TTC39C: variants seen among roughly 807,000 people sequenced by gnomAD.
TTC39C encodes tetratricopeptide repeat domain 39C, also known as tetratricopeptide repeat protein 39C.
A neutral mutation model predicts 76.3 loss-of-function variants in TTC39C; 33 were observed. That is an observed-to-expected ratio of 0.43 (90% CI 0.33 to 0.58). The LOEUF (loss-of-function observed/expected upper bound fraction) is 0.58. Ranked by LOEUF, TTC39C falls within the 20% of genes least tolerant of loss-of-function variation. TTC39C has a pLI of 0.04. For synonymous variants in TTC39C, 254 were observed against 260.6 expected, an observed-to-expected ratio of 0.97 and a Z score of 0.24; for missense variants, 595 against 701.4, an observed-to-expected ratio of 0.85 and a Z score of 1.71.
At chr18:24,129,715 A>G (rs2085098132) in intron 11 of TTC39C, among the ~76,000 whole-genome samples, 1 of 150,542 alleles carries the variant, frequency 6.6e-6, no homozygotes, top group Non-Finnish European at 1.5e-5. Context: ...CAGAGGTTGC[A>G]GCGAGCTGAG....
chr18:24,022,826 A>G, intron 1 of TTC39C: 1 of 985,400 alleles, frequency 1.0e-6, no homozygotes, highest in Non-Finnish European at 1.2e-6. Context: ...TTGTGCTGGA[A>G]TATTTTACGT....
At chr18:24,106,355 A>T (rs980458808) in intron 6 of TTC39C, among the ~76,000 whole-genome samples, 6 of 150,120 alleles carry the variant, frequency 4.0e-5, no homozygotes, top group Non-Finnish European at 7.4e-5. Context: ...CCAAATTAAA[A>T]TGGGCTGGAA....
At chr18:24,021,344 C>T (rs1320998246) in intron 1 of TTC39C, among the ~76,000 whole-genome samples, 1 of 152,120 alleles carries the variant, frequency 6.6e-6, no homozygotes, top group African/African-American at 2.4e-5. Context: ...CATTCTGTAA[C>T]GTGGGTCCGT....
rs748445185 is a variant in TTC39C at position 24,129,002 on chromosome 18, C to T, written c.1518+19C>T. The T allele has an allele frequency of 1.3e-6, 2 of 1,597,950 alleles. No homozygotes were observed. Among genetic ancestry groups the T allele is most frequent in the Non-Finnish European group, 1.7e-6 (2 of 1,168,642 alleles). ...TGTTCAGGTAAACTGTTAATGTTGT[C>T]AGGGCTAAAGAAAATAAGTCACGAA... On this transcript the variant is annotated intron_variant, in intron 11 of 13. Coordinates refer to ENST00000317571, the MANE Select transcript of TTC39C (RefSeq NM_001135993.2).
chr18:24,062,763 ACTGT>A (rs2084115712), intron 1 of TTC39C, among the ~76,000 whole-genome samples: 1 of 152,066 alleles, frequency 6.6e-6, no homozygotes, highest in Admixed American at 6.5e-5. Context: ...TCTCACACAC[ACTGT>A]CTTTCTCTGA....
intron 6 of TTC39C, among the ~76,000 whole-genome samples, chr18:24,084,552 A>T (rs1374252348): frequency 6.6e-6 from 1 of 152,114 alleles, no homozygotes. Flanking sequence ...AATTATTTAA[A>T]CCTGTGTCCA....
intron 6 of TTC39C, among the ~76,000 whole-genome samples, chr18:24,107,169 C>G (rs894197869): frequency 1.3e-5 from 2 of 152,128 alleles, no homozygotes; most frequent in East Asian, 3.9e-4. Context: ...ATTAAGACCT[C>G]ATGAATATTA....
chr18:24,018,358 T>C (rs2083479145), intron 1 of TTC39C, among the ~76,000 whole-genome samples: 1 of 149,086 alleles, frequency 6.7e-6, no homozygotes, highest in Non-Finnish European at 1.5e-5. Context: ...CCCAGTGCTC[T>C]AGTCTAGCAG....
Position 24,134,717 on chromosome 18 carries a change from A to G in TTC39C, c.*2143A>G, listed in dbSNP as rs931410750. The G allele has an allele frequency of 3.9e-5, 6 of 152,126 alleles. No individual in the cohort carries two copies. The highest frequency in any genetic ancestry group is 1.4e-4 in the African/African-American group (6 of 41,426). 9.4% of individuals were successfully genotyped at this position (152,126 alleles called of 1,614,324 possible). ...ATCATGGAGCATTCTGAATCATGAC[A>G]TTTTTGTTTGAGAGTTCATTCTTGA... is the stretch of plus-strand genomic sequence containing the variant. On this transcript the variant is annotated 3_prime_UTR_variant, in exon 14 of 14. Coordinates refer to ENST00000317571, the MANE Select transcript of TTC39C (RefSeq NM_001135993.2).
At chr18:24,019,085 ATTAC>A (rs1453701982) in intron 1 of TTC39C, among the ~76,000 whole-genome samples, 1 of 152,098 alleles carries the variant, frequency 6.6e-6, no homozygotes, top group Non-Finnish European at 1.5e-5. Flanking sequence ...GGCTTGACAT[ATTAC>A]TTTTTAACAG....
intron 1 of TTC39C, among the ~76,000 whole-genome samples, chr18:23,996,960 C>A (rs2083266433): frequency 6.6e-6 from 1 of 151,880 alleles, no homozygotes; most frequent in Non-Finnish European, 1.5e-5. Context: ...ATACAAAAAA[C>A]TAGCTGGATA....
intron 1 of TTC39C, among the ~76,000 whole-genome samples, chr18:24,018,830 C>T (rs976608442): frequency 3.3e-5 from 5 of 152,174 alleles, no homozygotes; most frequent in African/African-American, 1.2e-4. Flanking sequence ...GTCAGAACTG[C>T]AGGCTCACAA....
chr18:24,045,927 ATTTT>A (rs1156578816), intron 1 of TTC39C, among the ~76,000 whole-genome samples: 9 of 25,634 alleles, frequency 3.5e-4, no homozygotes, highest in Admixed American at 7.5e-4. Context: ...ATATATATAT[ATTTT>A]TTTTTTTTTT....
At chr18:24,064,285 A>T (rs1442106040) in intron 2 of TTC39C, 97 bp downstream of exon 2, 2 of 1,404,592 alleles carry the variant, frequency 1.4e-6, no homozygotes, top group Non-Finnish European at 2.0e-6. Context: ...ACTATTGTAG[A>T]AAGTCTTTTA....
chr18:24,020,596 C>T (rs773076618), intron 1 of TTC39C, among the ~76,000 whole-genome samples: 1 of 152,204 alleles, frequency 6.6e-6, no homozygotes, highest in Non-Finnish European at 1.5e-5. Flanking sequence ...TGCGTATCAC[C>T]TACACACATC....
intron 6 of TTC39C, among the ~76,000 whole-genome samples, chr18:24,107,317 A>G (rs920156660): frequency 1.3e-5 from 2 of 151,970 alleles, no homozygotes; most frequent in East Asian, 3.9e-4. Context: ...ACACGCACGC[A>G]TGTGCACTCT....
intron 4 of TTC39C, among the ~76,000 whole-genome samples, chr18:24,074,032 G>A (rs762555242): frequency 5.9e-5 from 9 of 152,228 alleles, no homozygotes; most frequent in Non-Finnish European, 8.8e-5. Flanking sequence ...GAGATGATAG[G>A]TGCTGGTAGT....
chr18:24,045,921 A>G (rs8098904), intron 1 of TTC39C, among the ~76,000 whole-genome samples: 34 of 18,012 alleles, frequency 1.9e-3, no homozygotes, highest in East Asian at 6.1e-3. Flanking sequence ...ATATATATAT[A>G]TATATATTTT....
chr18:24,051,546 A>C (rs1348681636), intron 1 of TTC39C, among the ~76,000 whole-genome samples: 1 of 152,188 alleles, frequency 6.6e-6, no homozygotes, highest in Non-Finnish European at 1.5e-5. Flanking sequence ...TGAACAGAAG[A>C]CTGGACCTAT....
Sources: gnomAD v4.1 joint callset for allele counts (sites outside exome capture counted in the v4.1 genomes callset) on GRCh38, gnomAD v4.1.1 for gene constraint, MANE v1.5 for transcripts, NCBI Gene and HGNC (gene_info 2026-07-23, HGNC 2026-07-21) for gene names.